MYZAP: variants seen among roughly 807,000 people sequenced by gnomAD.
The protein encoded by MYZAP is GRINL1A complex locus upstream.
Under a neutral mutation model 69.4 loss-of-function variants are expected in MYZAP, and 66 were observed. The ratio of observed to expected loss-of-function variants is 0.95; its 90% CI spans 0.78 to 1.17. The LOEUF is 1.17. MYZAP is among the 50% of genes most tolerant of loss of function. The pLI, the probability that MYZAP is intolerant of heterozygous loss-of-function variation, is 0.00. For synonymous variants in MYZAP, 256 were observed against 205.9 expected (o/e 1.24, Z -2.09); for missense variants, 611 against 556.2 (o/e 1.10, Z -0.99).
rs1276460456 is a variant in MYZAP at position 57,675,039 on chromosome 15, G to C, written c.1275G>C (p.Glu425Asp). The C allele has an allele frequency of 1.2e-6, 2 of 1,613,338 alleles. No individual in the cohort carries two copies. The highest frequency in any genetic ancestry group is 2.7e-5 in the African/African-American group (2 of 74,892). ...CCAAGACCGAAGTGGAAACCAGAGA[G>C]ATAGGAGTGGGCTGTGATCTTCTAC... ...TQAKTEVETREIGVGCDLLPS... is the reference protein window; with the variant it reads ...TQAKTEVETRDIGVGCDLLPS... Residue 425 changes from glutamate to aspartate, a missense_variant, in exon 12 of 13, where the codon GAG (glutamate) becomes GAC (aspartate). Transcript: ENST00000267853.
At chr15:57,598,660 A>G (rs58919063) in intron 1 of MYZAP, among the ~76,000 whole-genome samples, 16,844 of 151,780 alleles carry the variant, frequency 0.11, 1,026 homozygotes, top group South Asian at 0.16. Flanking sequence ...GATTTGAATG[A>G]CTCCTCATTG....
At chr15:57,657,732 C>T (rs2038077321) in intron 10 of MYZAP, among the ~76,000 whole-genome samples, 1 of 152,016 alleles carries the variant, frequency 6.6e-6, no homozygotes, top group African/African-American at 2.4e-5. Flanking sequence ...AGAGCTTTTT[C>T]CTATGTTTGA....
intron 2 of MYZAP, among the ~76,000 whole-genome samples, chr15:57,606,881 T>C (rs1000072204): frequency 6.6e-6 from 1 of 152,224 alleles, no homozygotes; most frequent in African/African-American, 2.4e-5. Flanking sequence ...TGTGTAGCTT[T>C]GAACATTCTC....
At position 57,680,515 on chromosome 15, in the gene MYZAP, A is replaced by ACACACACACACACACG. The variant is rs796592403; in HGVS notation, c.1305-3885_1305-3884insCACACACACACACGCA. On this transcript the variant is annotated intron_variant, in intron 12 of 12. Coordinates refer to ENST00000267853, the MANE Select transcript of MYZAP (RefSeq NM_001018100.5). Reference sequence around the variant, plus strand: ...CACACACACACACACACACACACACACAAATGTATGTGTGTATTTAAAGAC... The same window carrying ACACACACACACACACG: ...CACACACACACACACACACACACACACACACACACACACACGCAAATGTATGTGTGTATTTAAAGAC... Among the ~76,000 whole-genome samples, 85 of 150,104 alleles carry ACACACACACACACACG rather than the reference A, an allele frequency of 5.7e-4. 2 individuals carry two copies. The highest frequency in any genetic ancestry group is 2.0e-3 in the African/African-American group (82 of 40,036).
At chr15:57,646,900 G>A (rs2037474601) in intron 10 of MYZAP, 1 of 985,294 alleles carries the variant, frequency 1.0e-6, no homozygotes, top group Admixed American at 6.1e-5. Flanking sequence ...CTTCATGTAT[G>A]TTTTATTTTT....
In MYZAP at chr15:57,624,077, A is replaced by G. The variant is rs189993833; in HGVS notation, c.412-1702A>G. On this transcript the variant is annotated intron_variant, in intron 4 of 12. Coordinates refer to ENST00000267853, the MANE Select transcript of MYZAP (RefSeq NM_001018100.5). ...AATTTTTTATAAAAATATAAAAGTA[A>G]CTTTATACTTTTGAAATGTTTGCAC... Among the ~76,000 whole-genome samples, 1,221 of 152,300 alleles carry G rather than the reference A, an allele frequency of 8.0e-3. 11 individuals are homozygous for G. The highest frequency in any genetic ancestry group is 0.045 in the South Asian group (217 of 4,814).
Position 57,675,023 on chromosome 15 carries a change from A to G in MYZAP, c.1259A>G (p.Glu420Gly). The part of the protein sequence containing the change: ...DYLTETQAKT[E>G]VETREIGVGC... ...TTAACAGAAACCCAGGCCAAGACCG[A>G]AGTGGAAACCAGAGAGATAGGAGTG... The change falls in exon 12 of 13, where the codon GAA (glutamate) becomes GGA (glycine). Residue 420 changes from glutamate (E) to glycine (G), a missense_variant. Physicochemically the swap from Glu to Gly is moderately conservative, Grantham distance 98. Coordinates refer to ENST00000267853, the MANE Select transcript of MYZAP (RefSeq NM_001018100.5). The G allele has an allele frequency of 3.1e-6, 5 of 1,613,740 alleles. No homozygotes were observed. The highest frequency in any genetic ancestry group is 4.2e-6 in the Non-Finnish European group (5 of 1,179,634).
intron 10 of MYZAP, among the ~76,000 whole-genome samples, chr15:57,651,604 A>G (rs1241949793): frequency 3.9e-5 from 6 of 152,220 alleles, no homozygotes; most frequent in African/African-American, 1.4e-4. Context: ...TTGCCCTCAC[A>G]GATGCTTACT....
Position 57,639,513 on chromosome 15 carries a change from C to T in MYZAP, c.1087C>T (p.Gln363Ter). 3 of 1,613,998 alleles carry T rather than the reference C, an allele frequency of 1.9e-6. No homozygotes were observed. Among genetic ancestry groups the T allele is most frequent in the Non-Finnish European group, 2.5e-6 (3 of 1,179,962 alleles). The change falls in exon 10 of 13, where the codon CAG becomes TAG. Residue 363 changes from glutamine (Q) to a stop codon, truncating the protein, a stop_gained. Transcript: ENST00000267853. LOFTEE classifies it high-confidence loss of function. ...ACACCTAGATGACATGGTGCATTGC[C>T]AGCAGAAGAAAGTCAAGCAGATGGT... ...IRHLDDMVHC[Q>*]QKKVKQMVEE...
intron 8 of MYZAP, 106 bp downstream of exon 8, chr15:57,633,847 T>A (rs1385850208): frequency 1.6e-6 from 2 of 1,282,158 alleles, no homozygotes; most frequent in East Asian, 5.7e-5. Context: ...CCTCCAAAAT[T>A]TGCAATTAAA....
In MYZAP at chr15:57,612,330, G is replaced by C. The variant is rs559174575; in HGVS notation, c.163-5703G>C. On this transcript the variant is annotated intron_variant, in intron 2 of 12. Coordinates refer to ENST00000267853, the MANE Select transcript of MYZAP (RefSeq NM_001018100.5). ...GCCCCTCCTGGCTGGTGGGGCGGGG[G>C]ACTGGCTGTGTTAGTCTGCTATTGT... Among the ~76,000 whole-genome samples, 215 of 152,308 alleles carry C rather than the reference G, an allele frequency of 1.4e-3. 7 individuals are homozygous for C. Among genetic ancestry groups the C allele is most frequent in the Middle Eastern group, 3.4e-3 (1 of 294 alleles).
Position 57,605,949 on chromosome 15 carries a change from C to T in MYZAP, c.162+1594C>T, listed in dbSNP as rs541031290. On this transcript the variant is annotated intron_variant, in intron 2 of 12. Coordinates refer to ENST00000267853, the MANE Select transcript of MYZAP (RefSeq NM_001018100.5). The stretch of plus-strand genomic sequence containing the variant: ...CATCGAATATTAAAAAAAATCCATA[C>T]GTTTGTAGTGATAATTGGAGAAGGG... Among the ~76,000 whole-genome samples the T allele has an allele frequency of 1.2e-4, 18 of 151,914 alleles. 1 individual carries two copies. In the South Asian group the frequency reaches 1.7e-3, roughly 14 times the overall value.
At chr15:57,647,412 C>G in intron 10 of MYZAP, 1 of 985,332 alleles carries the variant, frequency 1.0e-6, no homozygotes, top group Non-Finnish European at 1.2e-6. Context: ...TTAGGGACGC[C>G]TTTATTGCTG....
intron 2 of MYZAP, among the ~76,000 whole-genome samples, chr15:57,609,551 CT>C (rs2034976214): frequency 6.6e-6 from 1 of 152,182 alleles, no homozygotes; most frequent in South Asian, 2.1e-4. Flanking sequence ...TTAACTTGAC[CT>C]GCTCTCCATA....
At chr15:57,603,604 C>A (rs564012687) in intron 1 of MYZAP, among the ~76,000 whole-genome samples, 1 of 152,262 alleles carries the variant, frequency 6.6e-6, no homozygotes, top group Non-Finnish European at 1.5e-5. Context: ...TTGCCACTGG[C>A]TTATTTCACT....
chr15:57,659,792 A>T (rs1356047048), intron 10 of MYZAP, among the ~76,000 whole-genome samples: 1 of 152,162 alleles, frequency 6.6e-6, no homozygotes, highest in Non-Finnish European at 1.5e-5. Context: ...TTGAATCTGT[A>T]AAATATGCTT....
intron 10 of MYZAP, among the ~76,000 whole-genome samples, chr15:57,657,209 T>C (rs2038052071): frequency 1.3e-5 from 2 of 152,210 alleles, no homozygotes; most frequent in Non-Finnish European, 2.9e-5. Flanking sequence ...ACGAGTGTAT[T>C]TGAAATCACT....
At chr15:57,674,066 T>C (rs1359348575) in intron 11 of MYZAP, among the ~76,000 whole-genome samples, 2 of 152,240 alleles carry the variant, frequency 1.3e-5, no homozygotes, top group African/African-American at 2.4e-5. Flanking sequence ...GAAAAATATA[T>C]AGAAGCACTT....
chr15:57,662,292 C>T (rs1268899375), intron 11 of MYZAP, among the ~76,000 whole-genome samples: 1 of 152,210 alleles, frequency 6.6e-6, no homozygotes, highest in African/African-American at 2.4e-5. Context: ...TTGCCAAGCA[C>T]CTGTCCTTAT....
Sources: gnomAD v4.1 joint callset for allele counts (sites outside exome capture counted in the v4.1 genomes callset) on GRCh38, gnomAD v4.1.1 for gene constraint, MANE v1.5 for transcripts, NCBI Gene and HGNC (gene_info 2026-07-23, HGNC 2026-07-21) for gene names.